ACO2: variants seen among roughly 807,000 people sequenced by gnomAD.
ACO2 encodes aconitate hydratase, mitochondrial.
A neutral mutation model predicts 84.5 loss-of-function variants in ACO2; 31 were observed. That is an observed-to-expected ratio of 0.37 (90% CI 0.28 to 0.50). The LOEUF is 0.50. ACO2 is among the 20% of genes least tolerant of loss of function. The probability of loss-of-function intolerance (pLI) is 0.97; values close to 1 mark genes in which losing one functional copy is unlikely to be tolerated. For synonymous variants in ACO2, 414 were observed against 412.7 expected, an observed-to-expected ratio of 1.00 and a Z score of -0.04; for missense variants, 685 against 1,029.3, an observed-to-expected ratio of 0.67 and a Z score of 4.58.
At chr22:41,490,107 G>C (rs970565358) in intron 1 of ACO2, among the ~76,000 whole-genome samples, 1 of 152,160 alleles carries the variant, frequency 6.6e-6, no homozygotes, top group Non-Finnish European at 1.5e-5. Context: ...TGGATCACCT[G>C]AGGTCAGGAG....
intron 1 of ACO2, among the ~76,000 whole-genome samples, chr22:41,487,225 C>T (rs2038168825): frequency 6.6e-6 from 1 of 152,166 alleles, no homozygotes; most frequent in Non-Finnish European, 1.5e-5. Flanking sequence ...CTTGCACATG[C>T]TGTTCTCTCT....
rs138837278 is a variant in ACO2, at chr22:41,526,393, C to G, written c.1893C>G (p.Ser631=). ...AINIENGKAN[S]VRNAVTQEFG... ...ACATTGAAAACGGCAAGGCCAACTCCGTGCGCAATGCCGTCACTCAGGAGT... is the reference window on the plus strand; with the variant it reads ...ACATTGAAAACGGCAAGGCCAACTCGGTGCGCAATGCCGTCACTCAGGAGT... Residue 631 remains serine, a synonymous_variant, in exon 15 of 18, where the codon TCC becomes TCG. Transcript: ENST00000216254. The G allele has an allele frequency of 1.9e-6, 3 of 1,613,868 alleles. No individual in the cohort carries two copies. The highest frequency in any genetic ancestry group is 2.5e-6 in the Non-Finnish European group (3 of 1,180,014).
chr22:41,514,999 C>T (rs1464667894), intron 4 of ACO2, among the ~76,000 whole-genome samples: 5 of 152,204 alleles, frequency 3.3e-5, no homozygotes, highest in South Asian at 2.1e-4. Flanking sequence ...TGGGGATGCT[C>T]CACACCCAGG....
chr22:41,504,482 A>T (rs1477099573), intron 2 of ACO2, among the ~76,000 whole-genome samples: 1 of 152,068 alleles, frequency 6.6e-6, no homozygotes, highest in Non-Finnish European at 1.5e-5. Context: ...TTTTTTATAT[A>T]GCTTCAATCA....
chr22:41,508,867 A>G (rs1452845970), intron 3 of ACO2, among the ~76,000 whole-genome samples: 4 of 152,188 alleles, frequency 2.6e-5, no homozygotes, highest in Non-Finnish European at 5.9e-5. Context: ...GAATGCTGGC[A>G]GGGCTGCGGC....
At chr22:41,504,991 A>C (rs1167309727) in intron 2 of ACO2, among the ~76,000 whole-genome samples, 1 of 151,986 alleles carries the variant, frequency 6.6e-6, no homozygotes, top group African/African-American at 2.4e-5. Context: ...CTAGGATGAC[A>C]ATCGTGAGCC....
chr22:41,470,768 C>T (rs758141097), intron 1 of ACO2, among the ~76,000 whole-genome samples: 3 of 152,092 alleles, frequency 2.0e-5, no homozygotes, highest in Non-Finnish European at 4.4e-5. Context: ...GTCACAAACT[C>T]CTGACCTCAA....
At chr22:41,517,498 C>A in intron 6 of ACO2, 29 bp from the exon 7 acceptor site, 1 of 1,602,440 alleles carries the variant, frequency 6.2e-7, no homozygotes. Context: ...CGGCCACCAG[C>A]CAATGCCCGG....
intron 2 of ACO2, among the ~76,000 whole-genome samples, chr22:41,501,938 A>G (rs1349026047): frequency 2.6e-5 from 4 of 152,156 alleles, no homozygotes; most frequent in Non-Finnish European, 4.4e-5. Flanking sequence ...CTTGTTGTCC[A>G]GTCTGGCCTG....
chr22:41,524,205 G>A (rs1445157943), intron 12 of ACO2, among the ~76,000 whole-genome samples: 3 of 152,230 alleles, frequency 2.0e-5, no homozygotes, highest in South Asian at 2.1e-4. Flanking sequence ...TCCCAGCCCT[G>A]CCTCTAACTC....
Position 41,515,439 on chromosome 22 carries a change from C to A in ACO2, c.588C>A (p.Pro196=). 1 of 1,613,882 alleles carries A rather than the reference C, an allele frequency of 6.2e-7. No individual in the cohort carries two copies. Among genetic ancestry groups the A allele is most frequent in the Non-Finnish European group, 8.5e-7 (1 of 1,179,976 alleles). ...TGATTGGCACTGACTCCCACACCCC[C>A]AATGGTGGCGGCCTTGGGGGCATCT... is the stretch of plus-strand genomic sequence containing the variant. ...VLLIGTDSHT[P]NGGGLGGICI... The change falls in exon 5 of 18, where the codon CCC becomes CCA. Residue 196 remains proline (P), a synonymous_variant. Transcript: ENST00000216254. This position sits in a 1 kb window ranked among gnomAD's most constrained non-coding sequence, Gnocchi z 5.8.
Position 41,528,495 on chromosome 22 carries a change from TCAAG to T in ACO2, c.2228_2231del (p.Lys743ThrfsTer11). The T allele has an allele frequency of 6.2e-7, 1 of 1,612,302 alleles. No individual in the cohort carries two copies. Among genetic ancestry groups the T allele is most frequent in the South Asian group, 1.1e-5 (1 of 91,008 alleles). ...TCCTTGCAGCCCCTGAAGTGCATCA[TCAAG>T]CACCCCAACGGGACCCAGGAGACCA... On this transcript the variant is annotated frameshift_variant, in exon 18 of 18. Transcript: ENST00000216254. LOFTEE classifies it high-confidence loss of function.
chr22:41,499,795 C>T lies in ACO2; in HGVS notation c.106C>T (p.His36Tyr). ...CCAACGGGCCAAGGTGGCGATGAGC[C>T]ACTTTGAGCCCAACGAGTACATCCA... ...LCQRAKVAMS[H>Y]FEPNEYIHYD... Residue 36 changes from histidine to tyrosine, a missense_variant, in exon 2 of 18, where the codon CAC becomes TAC. This residue lies in a region of ACO2 where 98 missense variants were observed against 107.6 expected (regional missense o/e 0.91). Transcript: ENST00000216254. 1 of 1,614,112 alleles carries T rather than the reference C, an allele frequency of 6.2e-7. No homozygotes were observed. Among genetic ancestry groups the T allele is most frequent in the Non-Finnish European group, 8.5e-7 (1 of 1,180,028 alleles).
chr22:41,515,458 G>A lies in ACO2; in HGVS notation c.607G>A (p.Gly203Ser). The A allele has an allele frequency of 3.1e-6, 5 of 1,613,728 alleles. No individual in the cohort carries two copies. The South Asian group carries it at 5.5e-5, about 18-fold the overall frequency. Residue 203 changes from glycine (G) to serine (S), a missense_variant, in exon 5 of 18, where the codon GGC becomes AGC. This residue lies in a region of ACO2 where 92 missense variants were observed against 203.7 expected (regional missense o/e 0.45). Transcript: ENST00000216254. The surrounding 1 kb of genome is among the most constrained non-coding windows in gnomAD (Gnocchi z 5.8). ...SHTPNGGGLG[G>S]ICIGVGGADA... ...CACCCCCAATGGTGGCGGCCTTGGG[G>A]GCATCTGCATTGGAGTTGGGGGTGC...
intron 6 of ACO2, chr22:41,516,203 G>GC (rs879162682): frequency 3.3e-6 from 2 of 604,666 alleles, no homozygotes; most frequent in East Asian, 5.5e-5. Flanking sequence ...CTGCTGCTGG[G>GC]CCCAGGCCAT....
chr22:41,485,542 G>A (rs1212926017), intron 1 of ACO2, among the ~76,000 whole-genome samples: 2 of 145,792 alleles, frequency 1.4e-5, no homozygotes, highest in Non-Finnish European at 3.0e-5. Flanking sequence ...TCAGGTTCAC[G>A]CCATTCTCCT....
chr22:41,477,050 G>A (rs1250762427), intron 1 of ACO2, among the ~76,000 whole-genome samples: 3 of 151,448 alleles, frequency 2.0e-5, no homozygotes, highest in Non-Finnish European at 4.4e-5. Flanking sequence ...TTGGGAGACT[G>A]AGGCAGGAGA....
chr22:41,523,038 G>T, intron 10 of ACO2, 51 bp downstream of exon 10: 1 of 1,603,154 alleles, frequency 6.2e-7, no homozygotes, highest in Non-Finnish European at 8.5e-7. Context: ...GCTGAGTAAT[G>T]CCTCCAGGCG....
At chr22:41,496,637 A>G (rs2066315800) in intron 1 of ACO2, among the ~76,000 whole-genome samples, 2 of 152,140 alleles carry the variant, frequency 1.3e-5, no homozygotes, top group African/African-American at 2.4e-5. Context: ...GCAGAAATAC[A>G]CTACCTTCTT....
Sources: allele counts gnomAD v4.1 joint callset (sites outside exome capture counted in the v4.1 genomes callset), GRCh38; gene constraint gnomAD v4.1.1; regional missense constraint gnomAD v4.1.1; non-coding constraint Gnocchi (gnomAD v3.1); transcripts MANE v1.5; gene names NCBI Gene and HGNC (gene_info 2026-07-23, HGNC 2026-07-21).